COL22A1: variants seen among roughly 807,000 people sequenced by gnomAD.
The protein encoded by COL22A1 is collagen alpha-1(XXII) chain.
A neutral mutation model predicts 248.9 loss-of-function variants in COL22A1; 221 were observed. The observed-to-expected ratio is 0.89, with a 90% CI of 0.80 to 0.99. The LOEUF (loss-of-function observed/expected upper bound fraction) is 0.99. COL22A1 is among the 50% of genes least tolerant of loss of function. The probability of loss-of-function intolerance (pLI) is 0.00; values close to 1 mark genes in which losing one functional copy is unlikely to be tolerated. For synonymous variants in COL22A1, 891 were observed against 793.4 expected (o/e 1.12, Z -2.07); for missense variants, 2,240 against 2,179.0 (o/e 1.03, Z -0.56).
chr8:138,907,265 G>T (rs1309333272), intron 1 of COL22A1, among the ~76,000 whole-genome samples: 3 of 152,214 alleles, frequency 2.0e-5, no homozygotes, highest in African/African-American at 7.2e-5. Context: ...GGAGCTTCCA[G>T]GATTAGTCCC....
chr8:138,620,029 C>T (rs560020402), intron 52 of COL22A1: 3 of 164,856 alleles, frequency 1.8e-5, no homozygotes, highest in Admixed American at 1.1e-4. Context: ...CGACCTGTGA[C>T]GTACACAGCC....
chr8:138,870,551 ATGTGGTGCG>A (rs953767109), intron 3 of COL22A1, among the ~76,000 whole-genome samples: 4 of 151,110 alleles, frequency 2.6e-5, no homozygotes, highest in African/African-American at 9.8e-5. Flanking sequence ...GACTGTGTGT[ATGTGGTGCG>A]TGTGGTGTGC....
chr8:138,623,826 T>C, intron 51 of COL22A1, 41 bp from the exon 52 acceptor site: 1 of 1,570,754 alleles, frequency 6.4e-7, no homozygotes. Context: ...TCAAAGAAGA[T>C]TCGAGGGGAT....
chr8:138,770,376 G>C (rs972082182), intron 16 of COL22A1, among the ~76,000 whole-genome samples: 2 of 152,160 alleles, frequency 1.3e-5, no homozygotes, highest in African/African-American at 4.8e-5. Flanking sequence ...CTCGGGCTCC[G>C]CCACCTGGAC....
At chr8:138,628,471 G>A (rs1297877976) in intron 50 of COL22A1, among the ~76,000 whole-genome samples, 5 of 152,164 alleles carry the variant, frequency 3.3e-5, no homozygotes. Flanking sequence ...AGCAGATGGA[G>A]GTTGCAGTGA....
chr8:138,777,925 T>C, intron 15 of COL22A1: 1 of 207,730 alleles, frequency 4.8e-6, no homozygotes, highest in Non-Finnish European at 9.8e-6. Flanking sequence ...TTCATCTCTT[T>C]ATTCACTGGA....
chr8:138,805,961 T>G (rs1284742640), intron 10 of COL22A1, among the ~76,000 whole-genome samples: 2 of 127,502 alleles, frequency 1.6e-5, no homozygotes, highest in Admixed American at 1.6e-4. Context: ...TTATGGTGTG[T>G]ATGTGTGATA....
At chr8:138,729,606 G>A (rs1830563929) in intron 23 of COL22A1, among the ~76,000 whole-genome samples, 1 of 152,176 alleles carries the variant, frequency 6.6e-6, no homozygotes, top group Admixed American at 6.5e-5. Flanking sequence ...CTTCCAGGAG[G>A]GATCACAAAA....
intron 27 of COL22A1, among the ~76,000 whole-genome samples, chr8:138,720,522 C>T (rs1474482724): frequency 6.6e-6 from 1 of 152,126 alleles, no homozygotes; most frequent in African/African-American, 2.4e-5. Flanking sequence ...CTGGTGCCTT[C>T]TGTCCTAGAG....
chr8:138,643,651 C>CAGATAGACAGAT (rs1564134946), intron 47 of COL22A1, among the ~76,000 whole-genome samples: 1 of 146,552 alleles, frequency 6.8e-6, no homozygotes, highest in South Asian at 2.1e-4. Flanking sequence ...GATAGATAGA[C>CAGATAGACAGAT]AGATAGATAG....
At chr8:138,663,012 T>TCACA (rs1238032353) in intron 42 of COL22A1, among the ~76,000 whole-genome samples, 1 of 140,770 alleles carries the variant, frequency 7.1e-6, no homozygotes, top group Admixed American at 7.1e-5. Context: ...CAGGACTCTG[T>TCACA]CACTCACACA....
At chr8:138,781,109 T>C (rs1025451646) in intron 12 of COL22A1, 129 bp from the exon 13 acceptor site, 11 of 684,206 alleles carry the variant, frequency 1.6e-5, no homozygotes, top group Non-Finnish European at 2.6e-5. Flanking sequence ...CAAAAATTGA[T>C]CCACAAGCCT....
At chr8:138,681,814 G>T (rs1317298739) in intron 39 of COL22A1, among the ~76,000 whole-genome samples, 1 of 152,136 alleles carries the variant, frequency 6.6e-6, no homozygotes, top group East Asian at 1.9e-4. Flanking sequence ...ATGAGGAGTG[G>T]TTATGTATTT....
chr8:138,866,908 A>T (rs1223121042), intron 3 of COL22A1, among the ~76,000 whole-genome samples: 3 of 152,174 alleles, frequency 2.0e-5, no homozygotes, highest in Non-Finnish European at 4.4e-5. Flanking sequence ...AAGAGAAGAG[A>T]GACCCTCTAA....
Position 138,844,088 on chromosome 8 carries a change from G to A in COL22A1, c.729C>T (p.Ile243=), listed in dbSNP as rs1306199954. 1 of 1,613,636 alleles carries A rather than the reference G, an allele frequency of 6.2e-7. No individual in the cohort carries two copies. Among genetic ancestry groups the A allele is most frequent in the East Asian group, 2.2e-5 (1 of 44,874 alleles). ...TGGTTATTGTTTTTCCCTTACCTGT[G>A]ATTTCCTTGGTTCCTCCATTGGTGT... ...FKHTNGGTKE[I]TGFDLMDLFS... is the part of the protein sequence containing the mutation. Residue 243 remains isoleucine (I), a synonymous_variant, in exon 4 of 65, where the codon ATC becomes ATT. Transcript: ENST00000303045.
intron 37 of COL22A1, among the ~76,000 whole-genome samples, chr8:138,686,188 G>T (rs1587858587): frequency 6.6e-6 from 1 of 152,222 alleles, no homozygotes; most frequent in African/African-American, 2.4e-5. Flanking sequence ...GCCTAAAGCT[G>T]CAATGGAGAG....
chr8:138,742,505 TTGA>T (rs1384894617), intron 22 of COL22A1, among the ~76,000 whole-genome samples: 7 of 144,062 alleles, frequency 4.9e-5, no homozygotes, highest in Non-Finnish European at 7.6e-5. Flanking sequence ...GATGGTAGAG[TTGA>T]TGATGATGGT....
At position 138,713,868 on chromosome 8, in the gene COL22A1, C is replaced by G. The variant is rs545206948; in HGVS notation, c.2517+1814G>C. Among the ~76,000 whole-genome samples the G allele has an allele frequency of 7.9e-5, 12 of 152,286 alleles. No homozygotes were observed. In the East Asian group the frequency reaches 2.3e-3, roughly 29 times the overall value. On this transcript the variant is annotated intron_variant, in intron 30 of 64. Transcript: ENST00000303045. ...TGAAGTACCTACTTGCACCTCTAGA[C>G]CAGACACTATCCTGGGTGCTGGCTT...
At chr8:138,884,954 C>T (rs1824535352) in intron 1 of COL22A1, among the ~76,000 whole-genome samples, 1 of 152,212 alleles carries the variant, frequency 6.6e-6, no homozygotes, top group Non-Finnish European at 1.5e-5. Flanking sequence ...ATGACAAGCA[C>T]AGGCAAATCA....
Sources: allele counts gnomAD v4.1 joint callset (sites outside exome capture counted in the v4.1 genomes callset), GRCh38; gene constraint gnomAD v4.1.1; transcripts MANE v1.5; gene names NCBI Gene and HGNC (gene_info 2026-07-23, HGNC 2026-07-21).